Variants in ADGRG1 observed in about 807,000 individuals in gnomAD.
ADGRG1 encodes adhesion G protein-coupled receptor G1, also known as 7-transmembrane protein with no EGF-like N-terminal domains-1.
In ADGRG1, 53 loss-of-function variants were observed where a neutral mutation model predicts 73.5. The observed-to-expected ratio is 0.72, with a 90% CI of 0.58 to 0.91. The LOEUF is 0.91. Ranked by LOEUF, ADGRG1 falls within the 40% of genes least tolerant of loss-of-function variation. The pLI, the probability that ADGRG1 is intolerant of heterozygous loss-of-function variation, is 0.00. For synonymous variants in ADGRG1, 394 were observed against 374.4 expected (o/e 1.05, Z -0.60); for missense variants, 795 against 871.8 (o/e 0.91, Z 1.11).
At chr16:57,628,332 C>T (rs1257140474), upstream of ADGRG1, 17 of 420,628 alleles carry the variant, frequency 4.0e-5, no homozygotes, top group East Asian at 3.2e-4. Context: ...CCCTGGGAGG[C>T]GACAGATGGA....
chr16:57,645,665 C>T (rs1231943638), intron 1 of ADGRG1, among the ~76,000 whole-genome samples: 5 of 152,184 alleles, frequency 3.3e-5, no homozygotes. Flanking sequence ...GTATGTCCAT[C>T]AACGGGATGC....
chr16:57,656,179 G>A, intron 7 of ADGRG1, 47 bp from the exon 8 acceptor site: 5 of 1,613,802 alleles, frequency 3.1e-6, no homozygotes, highest in Non-Finnish European at 4.2e-6. Flanking sequence ...AAAGTTGGAG[G>A]GGTGGGGGGC....
chr16:57,651,516 G>A lies in ADGRG1; in HGVS notation c.381G>A (p.Glu127=). 6.2e-7 allele frequency: 1 copy of A among 1,614,230 alleles called. No homozygotes were observed. The highest frequency in any genetic ancestry group is 1.1e-5 in the South Asian group (1 of 91,084). ...TCCTCTGCTTCCAGCACCAGGAGGA[G>A]AGCCTGGCTCAGGGCCCCCCGCTGT... ...SSLLCFQHQE[E]SLAQGPPLLA... The change falls in exon 3 of 14, where the codon GAG becomes GAA. Residue 127 remains glutamate (E), a synonymous_variant. Coordinates refer to ENST00000562631, the MANE Select transcript of ADGRG1 (RefSeq NM_201525.4).
Position 57,663,554 on chromosome 16 carries a change from C to T in ADGRG1, c.2036C>T (p.Ser679Leu), listed in dbSNP as rs1244227952. Residue 679 changes from serine to leucine, a missense_variant, in exon 14 of 14, where the codon TCG (serine) becomes TTG (leucine). Transcript: ENST00000562631. Reference protein sequence around the residue: ...NSDSARLPISSGSTSSSRI With the variant: ...NSDSARLPISLGSTSSSRI ...GACAGCGCCAGGCTCCCCATCAGCT[C>T]GGGCAGCACCTCGTCCAGCCGCATC... is the stretch of plus-strand genomic sequence containing the variant. 7 of 1,613,664 alleles carry T rather than the reference C, an allele frequency of 4.3e-6. No homozygotes were observed. The highest frequency in any genetic ancestry group is 4.5e-5 in the East Asian group (2 of 44,888).
intron 13 of ADGRG1, among the ~76,000 whole-genome samples, chr16:57,662,521 A>G (rs779540995): frequency 1.4e-4 from 22 of 152,178 alleles, no homozygotes; most frequent in Non-Finnish European, 2.9e-4. Flanking sequence ...CCACATCAGA[A>G]TCTGCATTTT....
intron 1 of ADGRG1, chr16:57,642,675 C>A (rs1314408562): frequency 7.1e-6 from 7 of 982,652 alleles, no homozygotes. Context: ...CCTGAAAGTG[C>A]TTTGGCAAGT....
intron 1 of ADGRG1, 184 bp downstream of exon 1, chr16:57,628,986 G>GTGTGAGAGTGAGTGTA (rs2036841080): frequency 2.0e-6 from 1 of 510,304 alleles, no homozygotes; most frequent in Non-Finnish European, 2.4e-6. Flanking sequence ...GAGAGTGAGT[G>GTGTGAGAGTGAGTGTA]AGAATGTGAG....
At chr16:57,630,253 G>A (rs2037403719) in intron 1 of ADGRG1, 1 of 508,352 alleles carries the variant, frequency 2.0e-6, no homozygotes, top group African/African-American at 2.1e-5. Context: ...AGCATATCTG[G>A]GCATTAATAA....
upstream of ADGRG1, among the ~76,000 whole-genome samples, chr16:57,626,447 C>T (rs1471528375): frequency 2.0e-5 from 3 of 152,232 alleles, no homozygotes; most frequent in Admixed American, 6.5e-5. Context: ...ACTATGAGAA[C>T]CAGGCTTGTC....
At chr16:57,659,319 G>A in intron 10 of ADGRG1, 94 bp from the exon 11 acceptor site, 1 of 1,601,264 alleles carries the variant, frequency 6.2e-7, no homozygotes, top group Non-Finnish European at 8.5e-7. Context: ...TGTCGGGGTG[G>A]GGGGCAGTCT....
upstream of ADGRG1, among the ~76,000 whole-genome samples, chr16:57,625,039 G>T (rs1445095944): frequency 6.6e-6 from 1 of 152,130 alleles, no homozygotes; most frequent in African/African-American, 2.4e-5. Flanking sequence ...TGAACCCAGA[G>T]TCTGTGATCA....
rs368130981 is a variant in ADGRG1, at chr16:57,654,125, C to T, written c.760C>T (p.Arg254Trp). 105 of 1,612,656 alleles carry T rather than the reference C, an allele frequency of 6.5e-5. No homozygotes were observed. Among genetic ancestry groups the T allele is most frequent in the East Asian group, 5.3e-4 (24 of 44,884 alleles). The change falls in exon 5 of 14, where the codon CGG becomes TGG. Residue 254 changes from arginine to tryptophan, a missense_variant. Transcript: ENST00000562631. The stretch of plus-strand genomic sequence containing the variant: ...CCTCCAGGACCTGCACATCCACTCC[C>T]GGCAGGAGGTCAGGGGCAGGCCTGG... ...AGLQDLHIHS[R>W]QEEEQSEIME...
At chr16:57,633,139 G>T in intron 1 of ADGRG1, 1 of 342,670 alleles carries the variant, frequency 2.9e-6, no homozygotes, top group Non-Finnish European at 4.1e-6. Context: ...CTCTGGACCC[G>T]TTTCCCTGCC....
intron 1 of ADGRG1, chr16:57,631,067 G>A (rs2037743551): frequency 1.0e-6 from 1 of 985,184 alleles, no homozygotes. Flanking sequence ...GCCAGGATGG[G>A]TGTTCAGTGT....
chr16:57,652,998 G>T lies in ADGRG1; in HGVS notation c.488-205G>T, dbSNP rs75502851. 7,741 of 1,433,790 alleles carry T rather than the reference G, an allele frequency of 5.4e-3. 24 individuals are homozygous for T. The highest frequency in any genetic ancestry group is 6.4e-3 in the Non-Finnish European group (7,055 of 1,096,014). The allele number at this position is 1,433,790 out of a possible 1,614,324, so 88.8% of individuals were successfully genotyped here. A position where few individuals can be genotyped will look rare whatever the true frequency, so the allele number is the denominator to read the frequency against. ...CCCGCTGGGGCTGGCATTGCTGGCG[G>T]GTTCTGTAAGACACAACCCCCACGG... is the stretch of plus-strand genomic sequence containing the variant. On this transcript the variant is annotated intron_variant, in intron 3 of 13. Transcript: ENST00000562631.
intron 2 of ADGRG1, chr16:57,622,159 A>G: frequency 6.6e-6 from 1 of 151,688 alleles, no homozygotes; most frequent in Non-Finnish European, 1.5e-5. Context: ...AACCAGAGAG[A>G]GAGTGGGGAG....
chr16:57,640,556 G>A (rs1162267286), intron 1 of ADGRG1, among the ~76,000 whole-genome samples: 1 of 152,204 alleles, frequency 6.6e-6, no homozygotes, highest in Admixed American at 6.5e-5. Flanking sequence ...TGAGCACCCC[G>A]CCTGCGGGGT....
chr16:57,627,924 C>T, upstream of ADGRG1: 1 of 969,332 alleles, frequency 1.0e-6, no homozygotes, highest in Non-Finnish European at 1.2e-6. Flanking sequence ...GCTCTTCACC[C>T]AGGCCTCGGT....
intron 1 of ADGRG1, chr16:57,633,039 C>T: frequency 1.3e-6 from 1 of 799,038 alleles, no homozygotes; most frequent in South Asian, 5.7e-5. Context: ...TCCTAGTACC[C>T]CCAGCCTGGA....
Sources: gnomAD v4.1 joint callset for allele counts (sites outside exome capture counted in the v4.1 genomes callset) on GRCh38, gnomAD v4.1.1 for gene constraint, MANE v1.5 for transcripts, NCBI Gene and HGNC (gene_info 2026-07-23, HGNC 2026-07-21) for gene names.